The following CDH11 variants were observed in gnomAD, a reference collection of about 807,000 sequenced individuals.
CDH11 encodes cadherin-11.
Under a neutral mutation model 67.8 loss-of-function variants are expected in CDH11, and 11 were observed. That is an observed-to-expected ratio of 0.16 (90% CI 0.10 to 0.27). The LOEUF is 0.27. Ranked by LOEUF, CDH11 falls within the 10% of genes least tolerant of loss-of-function variation. The pLI is 1.00. For missense variants in CDH11, 847 were observed against 1,031.2 expected (o/e 0.82, Z 2.45); for synonymous variants, 419 against 400.0 (o/e 1.05, Z -0.57).
chr16:64,945,688 A>G lies in CDH11; in HGVS notation c.*1915T>C. ...TGACATTGTCCACAAAATGTATTCCATTGAAGTGTTCAGCCCAATTTGATT... is the reference window on the plus strand; with the variant it reads ...TGACATTGTCCACAAAATGTATTCCGTTGAAGTGTTCAGCCCAATTTGATT... On this transcript the variant is annotated 3_prime_UTR_variant, in exon 13 of 13. Transcript: ENST00000268603. The G allele has an allele frequency of 9.6e-7, 1 of 1,039,838 alleles. No homozygotes were observed. Among genetic ancestry groups the G allele is most frequent in the Non-Finnish European group, 1.2e-6 (1 of 863,030 alleles). 64.4% of individuals were successfully genotyped at this position (1,039,838 alleles called of 1,614,324 possible).
chr16:65,041,914 C>A (rs2073874701), intron 2 of CDH11, among the ~76,000 whole-genome samples: 1 of 152,202 alleles, frequency 6.6e-6, no homozygotes, highest in Non-Finnish European at 1.5e-5. Flanking sequence ...GGCAATGATG[C>A]CCCTCAAATC....
rs2071215675 is a variant in CDH11 at position 64,947,130 on chromosome 16, T to G, written c.*473A>C. On this transcript the variant is annotated 3_prime_UTR_variant, in exon 13 of 13. Transcript: ENST00000268603. ...GTATTGTACATACATTGTATGGGTT[T>G]AAGCTGGCTGAATATTATATATTTC... 1 of 1,043,628 alleles carries G rather than the reference T, an allele frequency of 9.6e-7. No individual in the cohort carries two copies. The highest frequency in any genetic ancestry group is 5.0e-5 in the Admixed American group (1 of 19,958). The allele number at this position is 1,043,628 out of a possible 1,614,324, so 64.6% of individuals were successfully genotyped here. A position where few individuals can be genotyped will look rare whatever the true frequency, so the allele number is the denominator to read the frequency against.
At chr16:65,024,707 T>C (rs2073497432) in intron 2 of CDH11, among the ~76,000 whole-genome samples, 1 of 152,194 alleles carries the variant, frequency 6.6e-6, no homozygotes, top group South Asian at 2.1e-4. Flanking sequence ...GTGCAAAGAA[T>C]ATAGCGCTGG....
At chr16:65,082,127 C>A (rs1371851581) in intron 1 of CDH11, among the ~76,000 whole-genome samples, 1 of 152,186 alleles carries the variant, frequency 6.6e-6, no homozygotes, top group Admixed American at 6.5e-5. Context: ...TGCTTGCCCA[C>A]CTACATTCTT....
intron 2 of CDH11, among the ~76,000 whole-genome samples, chr16:65,044,779 C>A (rs1025160824): frequency 2.0e-4 from 31 of 152,120 alleles, no homozygotes; most frequent in African/African-American, 7.2e-4. Context: ...TGGATCAAAT[C>A]AGTCTTAGAA....
chr16:65,098,960 A>G (rs1012002531), intron 1 of CDH11, among the ~76,000 whole-genome samples: 1 of 152,190 alleles, frequency 6.6e-6, no homozygotes, highest in Admixed American at 6.5e-5. Flanking sequence ...TCAGATCTCT[A>G]TTATATTTGA....
chr16:65,066,836 T>A (rs1270084526), intron 1 of CDH11, among the ~76,000 whole-genome samples: 2 of 152,252 alleles, frequency 1.3e-5, no homozygotes, highest in Admixed American at 1.3e-4. Flanking sequence ...CAGTACCTAC[T>A]TCAGAATCAT....
At chr16:65,044,780 A>C (rs779317223) in intron 2 of CDH11, among the ~76,000 whole-genome samples, 3 of 152,164 alleles carry the variant, frequency 2.0e-5, no homozygotes, top group African/African-American at 7.2e-5. Context: ...GGATCAAATC[A>C]GTCTTAGAAT....
intron 1 of CDH11, among the ~76,000 whole-genome samples, chr16:65,072,564 G>T (rs181110574): frequency 3.8e-4 from 58 of 152,142 alleles, no homozygotes; most frequent in Non-Finnish European, 1.5e-4. Flanking sequence ...AAAAGTAAAT[G>T]ACATCATCTA....
At chr16:65,016,995 G>T (rs142854265) in intron 2 of CDH11, among the ~76,000 whole-genome samples, 1 of 152,182 alleles carries the variant, frequency 6.6e-6, no homozygotes, top group African/African-American at 2.4e-5. Flanking sequence ...TGCTGGGAGT[G>T]TCTTTAAGCA....
At position 65,053,885 on chromosome 16, in the gene CDH11, C is replaced by T. The variant is rs138840447; in HGVS notation, c.-254G>A. Reference sequence around the variant, plus strand: ...ATTGGTCACTCAACAAATGACAACACGAAGGAATGTCACAGGGCCGCTGAG... The same window carrying T: ...ATTGGTCACTCAACAAATGACAACATGAAGGAATGTCACAGGGCCGCTGAG... On this transcript the variant is annotated 5_prime_UTR_variant, in exon 2 of 13. It adds an upstream start codon to the 5' untranslated region. Transcript: ENST00000268603. The T allele has an allele frequency of 4.8e-5, 22 of 456,034 alleles. No individual in the cohort carries two copies. Among genetic ancestry groups the T allele is most frequent in the East Asian group, 2.8e-4 (4 of 14,394 alleles). 28.2% of individuals were successfully genotyped at this position (456,034 alleles called of 1,614,324 possible).
At chr16:65,104,687 C>A (rs7203623) in intron 1 of CDH11, among the ~76,000 whole-genome samples, 144,828 of 152,284 alleles carry the variant, frequency 0.95, 68,942 homozygotes, top group East Asian at 1. Context: ...TTTTATGGCT[C>A]TCCTGGGAAT....
chr16:65,059,976 T>G (rs2142737032), intron 1 of CDH11, among the ~76,000 whole-genome samples: 1 of 152,286 alleles, frequency 6.6e-6, no homozygotes, highest in South Asian at 2.1e-4. Context: ...CTTCACTTTC[T>G]CCTTTCAACA....
intron 6 of CDH11, 69 bp from the exon 7 acceptor site, chr16:64,988,413 G>A: frequency 7.6e-7 from 1 of 1,323,612 alleles, no homozygotes; most frequent in Non-Finnish European, 1.0e-6. Flanking sequence ...AGATTTCATT[G>A]AATCCCAATA....
intron 5 of CDH11, 62 bp from the exon 6 acceptor site, chr16:64,991,997 T>A: frequency 1.6e-6 from 2 of 1,224,708 alleles, no homozygotes; most frequent in Non-Finnish European, 2.3e-6. Context: ...AACAAGAAAG[T>A]TCTGAGCACT....
intron 11 of CDH11, among the ~76,000 whole-genome samples, chr16:64,965,498 G>A (rs1191369808): frequency 3.3e-5 from 5 of 152,098 alleles, no homozygotes; most frequent in African/African-American, 1.2e-4. Flanking sequence ...TCTCACTGTA[G>A]GGTTTTTCAG....
intron 1 of CDH11, among the ~76,000 whole-genome samples, chr16:65,095,481 A>C (rs967973210): frequency 6.6e-6 from 1 of 152,224 alleles, no homozygotes; most frequent in Admixed American, 6.5e-5. Context: ...TATACAATTA[A>C]GCAATAATCT....
At chr16:64,958,148 T>C (rs2071569534) in intron 11 of CDH11, among the ~76,000 whole-genome samples, 1 of 152,224 alleles carries the variant, frequency 6.6e-6, no homozygotes, top group Admixed American at 6.5e-5. Context: ...CCTTGTCTTA[T>C]TTAGCTTTTC....
rs187932441 is a variant in CDH11 at position 65,105,801 on chromosome 16, T to C, written c.-298+16079A>G. Among the ~76,000 whole-genome samples the C allele has an allele frequency of 1.1e-4, 16 of 152,312 alleles. 1 individual carries two copies. The East Asian group carries it at 1.7e-3, about 17-fold the overall frequency. On this transcript the variant is annotated intron_variant, in intron 1 of 12. Coordinates refer to ENST00000268603, the MANE Select transcript of CDH11 (RefSeq NM_001797.4). The stretch of plus-strand genomic sequence containing the variant: ...AGAAAGAAATGTTAATCGAATTGTT[T>C]CCCATGCAAATGTAAAAACAGGGGA...
Sources: gnomAD v4.1 joint callset for allele counts (sites outside exome capture counted in the v4.1 genomes callset) on GRCh38, gnomAD v4.1.1 for gene constraint, MANE v1.5 for transcripts, NCBI Gene and HGNC (gene_info 2026-07-23, HGNC 2026-07-21) for gene names.